EML6: variants seen among roughly 807,000 people sequenced by gnomAD.
The protein encoded by EML6 is echinoderm microtubule-associated protein-like 6.
A neutral mutation model predicts 240.1 loss-of-function variants in EML6; 154 were observed. The ratio of observed to expected loss-of-function variants is 0.64; its 90% CI spans 0.56 to 0.73. The LOEUF (loss-of-function observed/expected upper bound fraction) is 0.73, where lower values mean the gene tolerates loss of function less well. Ranked by LOEUF, EML6 falls within the 30% of genes least tolerant of loss-of-function variation. EML6 has a pLI of 0.00. For missense variants in EML6, 2,964 were observed against 2,474.6 expected (o/e 1.20, Z -4.20); for synonymous variants, 1,148 against 899.0 (o/e 1.28, Z -4.95).
In EML6 at chr2:54,903,505, A is replaced by G; in HGVS notation, c.3409+3A>G. 2.6e-6 allele frequency: 4 copies of G among 1,546,368 alleles called. No individual in the cohort carries two copies. Among genetic ancestry groups the G allele is most frequent in the Non-Finnish European group, 3.5e-6 (4 of 1,145,062 alleles). ...ACACATTGACTGGGACTCTAGAGGT[A>G]AAGTATGTTGTGGCTTTTAAAATAG... On this transcript the variant is annotated splice_donor_region_variant and intron_variant, in intron 24 of 41. Coordinates refer to ENST00000356458, the MANE Select transcript of EML6 (RefSeq NM_001039753.4).
intron 26 of EML6, among the ~76,000 whole-genome samples, chr2:54,927,649 C>T (rs571868948): frequency 1.8e-4 from 28 of 152,314 alleles, no homozygotes; most frequent in African/African-American, 6.7e-4. Flanking sequence ...CACATTCCAC[C>T]CTCCACCCGG....
chr2:54,857,213 G>T (rs12997215), intron 11 of EML6, among the ~76,000 whole-genome samples: 9,617 of 152,248 alleles, frequency 0.063, 382 homozygotes, highest in East Asian at 0.22. Context: ...GGTGGACGTG[G>T]CACAGAGCTG....
rs1252034299 is a variant in EML6, at chr2:54,971,869, G to A, written c.*1774G>A. 7.2e-5 allele frequency: 11 copies of A among 152,124 alleles called. No individual in the cohort carries two copies. The highest frequency in any genetic ancestry group is 2.2e-4 in the African/African-American group (9 of 41,414). The allele number at this position is 152,124 out of a possible 1,614,324, so 9.4% of individuals were successfully genotyped here. On this transcript the variant is annotated 3_prime_UTR_variant, in exon 42 of 42. Transcript: ENST00000356458. ...TGTCATGAAAAACTTATTTGTAAAC[G>A]TTTATATGGTATGATTTTGATTTTA...
intron 11 of EML6, among the ~76,000 whole-genome samples, chr2:54,855,875 T>C (rs956006096): frequency 2.0e-5 from 3 of 152,310 alleles, no homozygotes; most frequent in African/African-American, 4.8e-5. Context: ...GTTGGTGGAA[T>C]GTGTCTGTCT....
At chr2:54,728,137 T>G (rs183181288) in intron 2 of EML6, among the ~76,000 whole-genome samples, 32 of 152,360 alleles carry the variant, frequency 2.1e-4, no homozygotes, top group African/African-American at 7.5e-4. Flanking sequence ...AACATTGTGA[T>G]AGAACAAGTG....
intron 4 of EML6, among the ~76,000 whole-genome samples, chr2:54,818,510 C>T (rs1021744563): frequency 3.9e-5 from 6 of 152,122 alleles, no homozygotes; most frequent in Admixed American, 2.6e-4. Context: ...AGTTCATTTT[C>T]CCCAGGATAC....
chr2:54,820,033 A>G (rs577350930), intron 4 of EML6, among the ~76,000 whole-genome samples: 2 of 152,270 alleles, frequency 1.3e-5, no homozygotes, highest in East Asian at 1.9e-4. Context: ...TTAAATTTCT[A>G]TTGAAAAGCT....
chr2:54,885,724 G>T (rs1304623795), intron 17 of EML6, among the ~76,000 whole-genome samples: 1 of 151,990 alleles, frequency 6.6e-6, no homozygotes, highest in Non-Finnish European at 1.5e-5. Context: ...CCATTCTCTT[G>T]CCTCAGCCTC....
At chr2:54,836,466 C>A (rs945156395) in intron 7 of EML6, among the ~76,000 whole-genome samples, 1 of 152,174 alleles carries the variant, frequency 6.6e-6, no homozygotes, top group African/African-American at 2.4e-5. Flanking sequence ...GCTGGAGATT[C>A]TCAGGCAGGG....
intron 22 of EML6, among the ~76,000 whole-genome samples, chr2:54,902,200 T>C (rs1012587355): frequency 1.1e-4 from 16 of 152,224 alleles, no homozygotes; most frequent in African/African-American, 3.4e-4. Flanking sequence ...ATAGAACTCC[T>C]ATTCTTAAAT....
rs377746432 is a variant in EML6, at chr2:54,795,372, G to T, written c.198-17860G>T. ...AGATCTTGTGAGAAATCACTATCAC[G>T]AGAACACAAGGGAAATCTGCCCCCA... On this transcript the variant is annotated intron_variant, in intron 2 of 41. Coordinates refer to ENST00000356458, the MANE Select transcript of EML6 (RefSeq NM_001039753.4). 7.2e-5 allele frequency among the ~76,000 whole-genome samples: 11 copies of T among 152,246 alleles called. No homozygotes were observed. In the East Asian group the frequency reaches 1.7e-3, roughly 24 times the overall value.
chr2:54,736,268 C>A (rs560257350), intron 2 of EML6, among the ~76,000 whole-genome samples: 2 of 152,294 alleles, frequency 1.3e-5, no homozygotes, highest in South Asian at 4.1e-4. Context: ...AGGAGTATTT[C>A]ACTTTGTTTT....
At chr2:54,916,079 A>G (rs1183096191) in intron 25 of EML6, among the ~76,000 whole-genome samples, 1 of 152,270 alleles carries the variant, frequency 6.6e-6, no homozygotes, top group East Asian at 1.9e-4. Flanking sequence ...TGGCAATAGA[A>G]TATGAATAGC....
At chr2:54,933,430 C>T (rs952724411) in intron 28 of EML6, among the ~76,000 whole-genome samples, 1 of 152,092 alleles carries the variant, frequency 6.6e-6, no homozygotes, top group Non-Finnish European at 1.5e-5. Context: ...AAAATGGCCC[C>T]ATTTAAAACT....
intron 7 of EML6, among the ~76,000 whole-genome samples, chr2:54,834,147 G>A (rs577444833): frequency 1.4e-4 from 22 of 152,096 alleles, no homozygotes; most frequent in Admixed American, 2.6e-4. Flanking sequence ...GTAAGGCGGC[G>A]GTGGCGGGGC....
intron 26 of EML6, among the ~76,000 whole-genome samples, chr2:54,919,832 G>A (rs1558686503): frequency 1.3e-5 from 2 of 152,168 alleles, no homozygotes; most frequent in African/African-American, 4.8e-5. Flanking sequence ...AGAGTTCCAG[G>A]GAGGTATATC....
At chr2:54,907,900 TTAGATAGATAGATAGATAGATAGA>T (rs200763117) in intron 24 of EML6, among the ~76,000 whole-genome samples, 2 of 136,236 alleles carry the variant, frequency 1.5e-5, no homozygotes, top group East Asian at 2.4e-4. Context: ...ATTAGATAGA[TTAGATAGATAGATAGATAGATAGA>T]TAGATAGATA....
At chr2:54,950,525 G>A (rs1177262859) in intron 29 of EML6, 125 bp from the exon 30 acceptor site, 5 of 1,004,690 alleles carry the variant, frequency 5.0e-6, no homozygotes, top group African/African-American at 5.0e-5. Context: ...TTCAGTGAGT[G>A]TGTGTTGGCG....
intron 2 of EML6, among the ~76,000 whole-genome samples, chr2:54,733,479 G>A (rs988985459): frequency 2.0e-5 from 3 of 152,196 alleles, no homozygotes; most frequent in Non-Finnish European, 4.4e-5. Flanking sequence ...TACAGGGAGT[G>A]TGGCTGGTCT....
Sources: gnomAD v4.1 joint callset for allele counts (sites outside exome capture counted in the v4.1 genomes callset) on GRCh38, gnomAD v4.1.1 for gene constraint, MANE v1.5 for transcripts, NCBI Gene and HGNC (gene_info 2026-07-23, HGNC 2026-07-21) for gene names.